Variants in NTM observed in about 807,000 individuals in gnomAD.
NTM encodes the protein IgLON family member 2.
NTM carries 13 observed loss-of-function variants against 42.1 expected under a neutral mutation model. That is an observed-to-expected ratio of 0.31 (90% CI 0.20 to 0.49). The LOEUF is 0.49. Ranked by LOEUF, NTM falls within the 20% of genes least tolerant of loss-of-function variation. The pLI, the probability that NTM is intolerant of heterozygous loss-of-function variation, is 0.99. For missense variants in NTM, 373 were observed against 452.8 expected (o/e 0.82, Z 1.60); for synonymous variants, 187 against 179.2 (o/e 1.04, Z -0.35).
At chr11:131,443,206 C>T (rs1949766511) in intron 1 of NTM, among the ~76,000 whole-genome samples, 2 of 151,970 alleles carry the variant, frequency 1.3e-5, no homozygotes. Context: ...AGTAACTCAA[C>T]TTTATAAGTG....
At chr11:131,524,487 G>C (rs2050190707) in intron 1 of NTM, among the ~76,000 whole-genome samples, 2 of 152,222 alleles carry the variant, frequency 1.3e-5, no homozygotes, top group South Asian at 4.1e-4. Context: ...ACAACTCATA[G>C]TCATCTTTAA....
chr11:132,224,357 G>T (rs974255188), intron 4 of NTM, among the ~76,000 whole-genome samples: 1 of 152,132 alleles, frequency 6.6e-6, no homozygotes, highest in African/African-American at 2.4e-5. Context: ...CCAGTGGATG[G>T]GTGTGGAAGG....
At chr11:131,796,861 A>G (rs1288809795) in intron 1 of NTM, among the ~76,000 whole-genome samples, 3 of 152,182 alleles carry the variant, frequency 2.0e-5, no homozygotes, top group Non-Finnish European at 4.4e-5. Flanking sequence ...CCTCCTAGAG[A>G]GAGTGGCATT....
At chr11:131,742,485 A>G (rs1289414778) in intron 1 of NTM, among the ~76,000 whole-genome samples, 1 of 152,156 alleles carries the variant, frequency 6.6e-6, no homozygotes, top group Non-Finnish European at 1.5e-5. Flanking sequence ...GCATACAAAT[A>G]TCATTTGGTA....
intron 1 of NTM, among the ~76,000 whole-genome samples, chr11:131,867,192 G>A (rs1307438401): frequency 6.6e-6 from 1 of 152,206 alleles, no homozygotes; most frequent in African/African-American, 2.4e-5. Context: ...TGCAGGGCTC[G>A]GGAAAGAATG....
At chr11:132,334,730 C>T (rs1048132568) in intron 8 of NTM, among the ~76,000 whole-genome samples, 6 of 152,104 alleles carry the variant, frequency 3.9e-5, no homozygotes, top group Non-Finnish European at 7.4e-5. Context: ...AATGAATCTG[C>T]CACCTTCTTC....
At chr11:131,715,118 G>A (rs1290750151) in intron 1 of NTM, among the ~76,000 whole-genome samples, 7 of 152,180 alleles carry the variant, frequency 4.6e-5, no homozygotes, top group Non-Finnish European at 1.5e-5. Flanking sequence ...ATTAGATGTG[G>A]TTATTAGATG....
chr11:131,487,221 C>T (rs1954274011), intron 1 of NTM, among the ~76,000 whole-genome samples: 1 of 152,166 alleles, frequency 6.6e-6, no homozygotes, highest in South Asian at 2.1e-4. Context: ...ATCTTAAACT[C>T]TTGTTATAGC....
intron 2 of NTM, among the ~76,000 whole-genome samples, chr11:132,106,115 A>G (rs780108528): frequency 2.0e-5 from 3 of 152,198 alleles, no homozygotes; most frequent in Non-Finnish European, 4.4e-5. Flanking sequence ...CTGAAGCTGA[A>G]ACAATTGCCA....
intron 1 of NTM, among the ~76,000 whole-genome samples, chr11:131,730,390 G>C (rs745711644): frequency 8.5e-5 from 13 of 152,136 alleles, no homozygotes; most frequent in Non-Finnish European, 1.8e-4. Flanking sequence ...ATGCAGATGG[G>C]CACTGAAGTC....
At chr11:131,480,811 C>T (rs958569133) in intron 1 of NTM, among the ~76,000 whole-genome samples, 1 of 152,094 alleles carries the variant, frequency 6.6e-6, no homozygotes, top group African/African-American at 2.4e-5. Flanking sequence ...GGGGGAAACT[C>T]ATTTCTTTCC....
chr11:132,172,490 A>T (rs138937979), intron 3 of NTM, among the ~76,000 whole-genome samples: 1 of 152,184 alleles, frequency 6.6e-6, no homozygotes, highest in African/African-American at 2.4e-5. Context: ...AAATGCATTC[A>T]GTGGCTGGAA....
At chr11:132,024,064 C>T (rs533820498) in intron 2 of NTM, among the ~76,000 whole-genome samples, 1 of 151,954 alleles carries the variant, frequency 6.6e-6, no homozygotes, top group Non-Finnish European at 1.5e-5. Context: ...GTGATCCGCC[C>T]ACCTCGGGCT....
chr11:131,568,350 T>G (rs1478732111), intron 1 of NTM, among the ~76,000 whole-genome samples: 20 of 152,198 alleles, frequency 1.3e-4, no homozygotes, highest in Admixed American at 1.3e-3. Flanking sequence ...CACTGACCTG[T>G]TAACCTTCAC....
chr11:131,696,785 G>GCACACA (rs34907087), intron 1 of NTM, among the ~76,000 whole-genome samples: 4,330 of 147,822 alleles, frequency 0.029, 220 homozygotes, highest in African/African-American at 0.099. Flanking sequence ...ACCCACGCAT[G>GCACACA]CACACACACA....
At chr11:132,194,148 AAACAAC>A (rs372400785) in intron 3 of NTM, among the ~76,000 whole-genome samples, 10 of 152,092 alleles carry the variant, frequency 6.6e-5, no homozygotes, top group South Asian at 4.2e-4. Flanking sequence ...TGAAACAAAC[AAACAAC>A]AACAACAACA....
intron 1 of NTM, among the ~76,000 whole-genome samples, chr11:131,806,485 C>G (rs2092488264): frequency 6.6e-6 from 1 of 152,018 alleles, no homozygotes; most frequent in African/African-American, 2.4e-5. Flanking sequence ...AGAAAAAGTG[C>G]TCAACAACTA....
At chr11:132,299,478 A>G (rs1354310739) in intron 4 of NTM, among the ~76,000 whole-genome samples, 2 of 152,184 alleles carry the variant, frequency 1.3e-5, no homozygotes, top group Non-Finnish European at 2.9e-5. Context: ...ATCCTGAGAG[A>G]AAGGAGGAGA....
rs2089768513 is a variant in NTM at position 132,239,527 on chromosome 11, G to A, written c.526+27380G>A. On this transcript the variant is annotated intron_variant, in intron 4 of 8. Coordinates refer to ENST00000683400, the MANE Select transcript of NTM (RefSeq NM_001352005.2). ...CAGTTTACCATGTTCATCTGCCCAA[G>A]CACCACCATCATTGCATTTTACTGA... Among the ~76,000 whole-genome samples, 4 of 152,162 alleles carry A rather than the reference G, an allele frequency of 2.6e-5. No individual in the cohort carries two copies. In the South Asian group the frequency reaches 6.2e-4, roughly 24 times the overall value.
Sources: allele counts gnomAD v4.1 joint callset (sites outside exome capture counted in the v4.1 genomes callset), GRCh38; gene constraint gnomAD v4.1.1; transcripts MANE v1.5; gene names NCBI Gene and HGNC (gene_info 2026-07-23, HGNC 2026-07-21).